The following ATP2C2 variants were observed in gnomAD, a reference collection of about 807,000 sequenced individuals.
ATP2C2 encodes ATPase secretory pathway Ca2+ transporting 2.
Under a neutral mutation model 110.8 loss-of-function variants are expected in ATP2C2, and 171 were observed. The ratio of observed to expected loss-of-function variants is 1.54; its 90% CI spans 1.36 to 1.75. The LOEUF (loss-of-function observed/expected upper bound fraction) is 1.75, where lower values mean the gene tolerates loss of function less well. ATP2C2 is among the 40% of genes most tolerant of loss of function. ATP2C2 has a pLI of 0.00. For missense variants in ATP2C2, 1,963 were observed against 1,235.0 expected (o/e 1.59, Z -8.84); for synonymous variants, 804 against 508.4 (o/e 1.58, Z -7.82).
chr16:84,374,137 C>A (rs935271361), intron 1 of ATP2C2, among the ~76,000 whole-genome samples: 11 of 152,214 alleles, frequency 7.2e-5, no homozygotes, highest in Non-Finnish European at 1.5e-4. Flanking sequence ...TGCTCATTGA[C>A]GGTGCCAGCT....
intron 24 of ATP2C2, 21 bp downstream of exon 24, chr16:84,460,822 C>G (rs1203088056): frequency 2.5e-5 from 40 of 1,598,822 alleles, no homozygotes; most frequent in Non-Finnish European, 3.3e-5. Flanking sequence ...GTCACCCCGG[C>G]CTGTTCTCCA....
chr16:84,421,482 C>T (rs901517333), intron 7 of ATP2C2, among the ~76,000 whole-genome samples: 2 of 152,158 alleles, frequency 1.3e-5, no homozygotes, highest in Admixed American at 6.6e-5. Flanking sequence ...CTGTGGTTCT[C>T]TGGTGGTTTG....
rs770643658 is a variant in ATP2C2 at position 84,463,620 on chromosome 16, T to G, written c.2729T>G (p.Leu910Arg). ...QTENLGALDL[L>R]FLTGLASSVF... ...CTGTTTTCTCCCTTGGCAGATTTGCTGTTTTTAACTGGATTGGCCTCATCC... is the reference window on the plus strand; with the variant it reads ...CTGTTTTCTCCCTTGGCAGATTTGCGGTTTTTAACTGGATTGGCCTCATCC... Residue 910 changes from leucine to arginine, a missense_variant, in exon 27 of 27, where the codon CTG (leucine) becomes CGG (arginine). Leu to Arg is a moderately radical substitution (Grantham distance 102). Coordinates refer to ENST00000262429, the MANE Select transcript of ATP2C2 (RefSeq NM_014861.4). The G allele has an allele frequency of 5.6e-6, 9 of 1,613,744 alleles. No homozygotes were observed. The highest frequency in any genetic ancestry group is 7.6e-6 in the Non-Finnish European group (9 of 1,179,592).
At position 84,448,604 on chromosome 16, in the gene ATP2C2, CG is replaced by C. The variant is rs1909977088; in HGVS notation, c.1580del (p.Gly527AlafsTer6). 11 of 1,614,072 alleles carry C rather than the reference CG, an allele frequency of 6.8e-6. No individual in the cohort carries two copies. The highest frequency in any genetic ancestry group is 8.5e-6 in the Non-Finnish European group (10 of 1,179,988). On this transcript the variant is annotated frameshift_variant, in exon 17 of 27. Transcript: ENST00000262429. LOFTEE classifies it high-confidence loss of function. ...TCCGCTACTGCACCATGTACAACAA[CG>C]GGGGCATCCCCCTGCCGCTGACGCC... ...VIRYCTMYNN[G>X]GIPLPLTPQQ... is the part of the protein sequence containing the mutation.
At position 84,442,496 on chromosome 16, in the gene ATP2C2, C is replaced by T. The variant is rs746857247; in HGVS notation, c.1312-14C>T. On this transcript the variant is annotated splice_polypyrimidine_tract_variant and intron_variant, in intron 14 of 26. Coordinates refer to ENST00000262429, the MANE Select transcript of ATP2C2 (RefSeq NM_014861.4). Reference sequence around the variant, plus strand: ...CCAGTACTAACTACAGATGTCCGGACAATCCCCTTTTAGGCGGGCTGTGTT... The same window carrying T: ...CCAGTACTAACTACAGATGTCCGGATAATCCCCTTTTAGGCGGGCTGTGTT... 6.2e-7 allele frequency: 1 copy of T among 1,613,690 alleles called. No homozygotes were observed. The highest frequency in any genetic ancestry group is 2.2e-5 in the East Asian group (1 of 44,868).
chr16:84,375,348 C>T (rs1454879326), intron 1 of ATP2C2, among the ~76,000 whole-genome samples: 1 of 152,160 alleles, frequency 6.6e-6, no homozygotes, highest in African/African-American at 2.4e-5. Flanking sequence ...TCGAGACCAG[C>T]CTGACCAACG....
rs186295467 is a variant in ATP2C2, at chr16:84,439,115, C to G, written c.987-51C>G. On this transcript the variant is annotated intron_variant, in intron 11 of 26. Coordinates refer to ENST00000262429, the MANE Select transcript of ATP2C2 (RefSeq NM_014861.4). ...AGCATTGCCAGCCCCAGCTGAGAGTCACACACTCCTTAAATGTGTTAGAGG... is the reference window on the plus strand; with the variant it reads ...AGCATTGCCAGCCCCAGCTGAGAGTGACACACTCCTTAAATGTGTTAGAGG... The G allele has an allele frequency of 4.4e-5, 71 of 1,604,166 alleles. No homozygotes were observed. In the East Asian group the frequency reaches 5.6e-4, roughly 13 times the overall value.
At position 84,462,063 on chromosome 16, in the gene ATP2C2, C is replaced by A. The variant is rs374588200; in HGVS notation, c.2656C>A (p.Gln886Lys). The change falls in exon 26 of 27, where the codon CAG (glutamine) becomes AAG (lysine). Residue 886 changes from glutamine to lysine, a missense_variant. By Grantham distance (53) the Gln-to-Lys change is moderately conservative. Coordinates refer to ENST00000262429, the MANE Select transcript of ATP2C2 (RefSeq NM_014861.4). ...LYSVLGSILG[Q>K]LAVIYIPPLQ... is the part of the protein sequence containing the mutation. Reference sequence around the variant, plus strand: ...CTCCGTCCTGGGGTCCATCCTGGGGCAGCTGGCGGTCATTTACATCCCCCC... The same window carrying A: ...CTCCGTCCTGGGGTCCATCCTGGGGAAGCTGGCGGTCATTTACATCCCCCC... The A allele has an allele frequency of 4.3e-6, 7 of 1,613,942 alleles. No homozygotes were observed. The African/African-American group carries it at 8.0e-5, about 18-fold the overall frequency.
chr16:84,389,523 G>A (rs1215542217), intron 1 of ATP2C2, among the ~76,000 whole-genome samples: 1 of 152,140 alleles, frequency 6.6e-6, no homozygotes, highest in Non-Finnish European at 1.5e-5. Flanking sequence ...AAAATCATCT[G>A]GTGTTTATCT....
intron 7 of ATP2C2, among the ~76,000 whole-genome samples, chr16:84,420,775 T>C (rs984989918): frequency 1.3e-5 from 2 of 152,098 alleles, no homozygotes; most frequent in Non-Finnish European, 2.9e-5. Flanking sequence ...GTTTCTGATG[T>C]TCCTTGTTTT....
intron 2 of ATP2C2, among the ~76,000 whole-genome samples, chr16:84,400,958 C>G (rs1037516783): frequency 2.0e-5 from 3 of 152,158 alleles, no homozygotes; most frequent in Non-Finnish European, 4.4e-5. Context: ...TTTATACATT[C>G]TGGTTATTAA....
At chr16:84,451,264 C>T (rs1184389995) in intron 17 of ATP2C2, among the ~76,000 whole-genome samples, 1 of 152,142 alleles carries the variant, frequency 6.6e-6, no homozygotes, top group African/African-American at 2.4e-5. Context: ...GAAAACCACC[C>T]CATGATTCAA....
Position 84,463,834 on chromosome 16 carries a change from C to A in ATP2C2, c.*102C>A. On this transcript the variant is annotated 3_prime_UTR_variant, in exon 27 of 27. Coordinates refer to ENST00000262429, the MANE Select transcript of ATP2C2 (RefSeq NM_014861.4). Reference sequence around the variant, plus strand: ...AGGGGAGACTTTTAGGAGGCCGCAGCCTTCCATCACCGGATCAGTTTTTCC... The same window carrying A: ...AGGGGAGACTTTTAGGAGGCCGCAGACTTCCATCACCGGATCAGTTTTTCC... 9.9e-7 allele frequency: 1 copy of A among 1,014,068 alleles called. No homozygotes were observed. The highest frequency in any genetic ancestry group is 1.5e-6 in the Non-Finnish European group (1 of 666,028). The allele number at this position is 1,014,068 out of a possible 1,614,324, so 62.8% of individuals were successfully genotyped here.
At chr16:84,437,303 C>T (rs1478090539) in intron 11 of ATP2C2, among the ~76,000 whole-genome samples, 3 of 152,072 alleles carry the variant, frequency 2.0e-5, no homozygotes, top group Admixed American at 2.0e-4. Flanking sequence ...AAGTGATCCT[C>T]CTACCTCAGC....
At chr16:84,412,460 C>G (rs12928142) in intron 6 of ATP2C2, among the ~76,000 whole-genome samples, 72,015 of 145,866 alleles carry the variant, frequency 0.49, 18,171 homozygotes, top group Non-Finnish European at 0.57. Context: ...GTCTGTGTCT[C>G]CGTGTGTGTG....
intron 1 of ATP2C2, among the ~76,000 whole-genome samples, chr16:84,390,079 C>G (rs1904560681): frequency 1.3e-5 from 2 of 152,214 alleles, no homozygotes; most frequent in Admixed American, 6.5e-5. Context: ...ACCCTTAGCC[C>G]CCCACATTCC....
rs140134603 is a variant in ATP2C2 at position 84,368,976 on chromosome 16, G to C, written c.99+262G>C. 1.6e-3 allele frequency among the ~76,000 whole-genome samples: 251 copies of C among 152,334 alleles called. 3 individuals carry two copies. Among genetic ancestry groups the C allele is most frequent in the African/African-American group, 5.9e-3 (245 of 41,588 alleles). ...GAGTGGTTAAGTATATTCCCTAAGG[G>C]GCACGGAGCTAGGAAGTGACCTGGC... On this transcript the variant is annotated intron_variant, in intron 1 of 26. Transcript: ENST00000262429.
intron 26 of ATP2C2, 49 bp downstream of exon 26, chr16:84,462,178 G>C (rs767910871): frequency 6.3e-7 from 1 of 1,580,502 alleles, no homozygotes; most frequent in Non-Finnish European, 8.6e-7. Context: ...AGGGCCATGG[G>C]GGGCGGCAGC....
chr16:84,424,576 C>CTTT lies in ATP2C2; in HGVS notation c.920-1138_920-1136dup, dbSNP rs371614449. 4.5e-4 allele frequency among the ~76,000 whole-genome samples: 52 copies of CTTT among 114,860 alleles called. 1 individual carries two copies. Among genetic ancestry groups the CTTT allele is most frequent in the South Asian group, 1.8e-3 (7 of 3,872 alleles). 75.4% of individuals were successfully genotyped at this position (114,860 alleles called of 152,430 possible). ...TACAGGCATGAGCCACCGCACTGGGCTTTTTTTTTTTTTTTTTTTTTTTAA... is the reference window on the plus strand; with the variant it reads ...TACAGGCATGAGCCACCGCACTGGGCTTTTTTTTTTTTTTTTTTTTTTTTTTAA... On this transcript the variant is annotated intron_variant, in intron 10 of 26. Coordinates refer to ENST00000262429, the MANE Select transcript of ATP2C2 (RefSeq NM_014861.4).
Sources: allele counts gnomAD v4.1 joint callset (sites outside exome capture counted in the v4.1 genomes callset), GRCh38; gene constraint gnomAD v4.1.1; transcripts MANE v1.5; gene names NCBI Gene and HGNC (gene_info 2026-07-23, HGNC 2026-07-21).